SMG6: variants seen among roughly 807,000 people sequenced by gnomAD.
SMG6 encodes SMG6 nonsense mediated mRNA decay factor.
Under a neutral mutation model 142.2 loss-of-function variants are expected in SMG6, and 66 were observed. That is an observed-to-expected ratio of 0.46 (90% CI 0.38 to 0.57). SMG6 has a LOEUF of 0.57. Ranked by LOEUF, SMG6 falls within the 20% of genes least tolerant of loss-of-function variation. SMG6 has a pLI of 0.00. For missense variants in SMG6, 1,793 were observed against 1,832.0 expected, an observed-to-expected ratio of 0.98 and a Z score of 0.39; for synonymous variants, 779 against 702.4, an observed-to-expected ratio of 1.11 and a Z score of -1.72.
intron 13 of SMG6, among the ~76,000 whole-genome samples, chr17:2,090,737 C>G (rs532994419): frequency 1.3e-5 from 2 of 152,218 alleles, no homozygotes; most frequent in East Asian, 3.8e-4. Flanking sequence ...AACAATCACA[C>G]GGGTTTCCCC....
chr17:2,290,798 C>G (rs1044475335), intron 6 of SMG6, among the ~76,000 whole-genome samples: 2 of 152,026 alleles, frequency 1.3e-5, no homozygotes, highest in African/African-American at 2.4e-5. Context: ...AGTGGGGGGG[C>G]CAAAAGATCT....
chr17:2,091,763 C>T (rs557806113), intron 13 of SMG6, among the ~76,000 whole-genome samples: 2 of 151,818 alleles, frequency 1.3e-5, no homozygotes, highest in Admixed American at 6.6e-5. Flanking sequence ...CTCTGCCTCC[C>T]GCGTTCACGC....
chr17:2,278,938 T>C (rs1228417872), intron 8 of SMG6, among the ~76,000 whole-genome samples: 1 of 152,116 alleles, frequency 6.6e-6, no homozygotes, highest in Non-Finnish European at 1.5e-5. Context: ...CTCATTCGCG[T>C]ATCAACTAAG....
At position 2,297,878 on chromosome 17, in the gene SMG6, C is replaced by A; in HGVS notation, c.2025G>T (p.Leu675Phe). The A allele has an allele frequency of 6.2e-7, 1 of 1,611,040 alleles. No homozygotes were observed. The highest frequency in any genetic ancestry group is 8.5e-7 in the Non-Finnish European group (1 of 1,179,982). Residue 675 changes from leucine to phenylalanine, a missense_variant, in exon 3 of 19, where the codon TTG becomes TTT. Leu to Phe is a conservative substitution (Grantham distance 22). Transcript: ENST00000263073. Reference sequence around the variant, plus strand: ...GACAGTTTACCTCATCCAAGAGCTCCAAAAGTCTGTTCCGAATCTGTTCTG... The same window carrying A: ...GACAGTTTACCTCATCCAAGAGCTCAAAAAGTCTGTTCCGAATCTGTTCTG... ...ENPEQIRNRL[L>F]ELLDEGSDFF...
chr17:2,289,186 G>A (rs977674286), intron 6 of SMG6, among the ~76,000 whole-genome samples: 16 of 152,054 alleles, frequency 1.1e-4, no homozygotes, highest in African/African-American at 3.6e-4. Flanking sequence ...GGAGGTTGAG[G>A]CTGCAGTGAG....
chr17:2,104,548 G>GAA (rs772082851), intron 13 of SMG6, among the ~76,000 whole-genome samples: 1 of 144,054 alleles, frequency 6.9e-6, no homozygotes, highest in Non-Finnish European at 1.5e-5. Flanking sequence ...TAAGGGGGTT[G>GAA]AAAAAAAAAA....
chr17:2,243,057 G>A (rs1338861481), intron 9 of SMG6, among the ~76,000 whole-genome samples: 1 of 152,192 alleles, frequency 6.6e-6, no homozygotes, highest in Non-Finnish European at 1.5e-5. Context: ...TGGCAGGACG[G>A]GGGAGGTGGG....
chr17:2,171,216 GTGAGC>G (rs1449961842), intron 13 of SMG6, among the ~76,000 whole-genome samples: 1 of 152,062 alleles, frequency 6.6e-6, no homozygotes, highest in African/African-American at 2.4e-5. Flanking sequence ...AGAGGTTGCA[GTGAGC>G]TGAGATTGTG....
At chr17:2,303,048 G>T in intron 1 of SMG6, 1 of 985,404 alleles carries the variant, frequency 1.0e-6, no homozygotes, top group South Asian at 4.7e-5. Context: ...AAATTAACTT[G>T]CAAATTGAGC....
intron 10 of SMG6, among the ~76,000 whole-genome samples, chr17:2,212,987 T>G (rs917449923): frequency 2.6e-5 from 4 of 152,260 alleles, no homozygotes; most frequent in African/African-American, 4.8e-5. Flanking sequence ...TATCTGTTAT[T>G]TCTTGCTGAA....
intron 13 of SMG6, among the ~76,000 whole-genome samples, chr17:2,140,177 C>T (rs1420667643): frequency 2.0e-5 from 3 of 152,160 alleles, no homozygotes; most frequent in Non-Finnish European, 4.4e-5. Context: ...ATCCTCCCAC[C>T]TCAAACTCCC....
At position 2,148,908 on chromosome 17, in the gene SMG6, G is replaced by A. The variant is rs2070746077; in HGVS notation, c.3357+23750C>T. 2.6e-5 allele frequency among the ~76,000 whole-genome samples: 4 copies of A among 151,966 alleles called. No homozygotes were observed. In the South Asian group the frequency reaches 8.3e-4, roughly 32 times the overall value. ...AAGTAAATAGAATGATGGTTGTCAG[G>A]GGCTGTGGGGAGGGAGGAATGGAGA... On this transcript the variant is annotated intron_variant, in intron 13 of 18. Transcript: ENST00000263073.
At chr17:2,204,329 C>A (rs73296784) in intron 10 of SMG6, among the ~76,000 whole-genome samples, 4,773 of 152,222 alleles carry the variant, frequency 0.031, 251 homozygotes, top group African/African-American at 0.11. Context: ...AAAAATAAGA[C>A]CAATGATAAG....
At position 2,072,721 on chromosome 17, in the gene SMG6, G is replaced by A. The variant is rs2068138639; in HGVS notation, c.3682-3790C>T. The A allele has an allele frequency of 2.6e-5, 4 of 152,250 alleles. No individual in the cohort carries two copies. The South Asian group carries it at 8.3e-4, about 32-fold the overall frequency. The allele number at this position is 152,250 out of a possible 1,614,324, so 9.4% of individuals were successfully genotyped here. ...ATGAAGCAGAGCAAGACCAGGAGAGGGCCTTCTGAGGTCTTCCTTCTGCTT... is the reference window on the plus strand; with the variant it reads ...ATGAAGCAGAGCAAGACCAGGAGAGAGCCTTCTGAGGTCTTCCTTCTGCTT... On this transcript the variant is annotated intron_variant, in intron 15 of 18. Coordinates refer to ENST00000263073, the MANE Select transcript of SMG6 (RefSeq NM_017575.5).
Position 2,136,250 on chromosome 17 carries a change from G to A in SMG6, c.3357+36408C>T, listed in dbSNP as rs540750383. On this transcript the variant is annotated intron_variant, in intron 13 of 18. Coordinates refer to ENST00000263073, the MANE Select transcript of SMG6 (RefSeq NM_017575.5). ...TAATTTTTGTATTTTTAGCATAGAC[G>A]GGGTTTCACCATGTTGGCTAGGCTG... Among the ~76,000 whole-genome samples the A allele has an allele frequency of 1.3e-4, 19 of 150,960 alleles. No homozygotes were observed. In the South Asian group the frequency reaches 3.8e-3, roughly 30 times the overall value.
chr17:2,123,619 A>G (rs907631411), intron 13 of SMG6, among the ~76,000 whole-genome samples: 1 of 152,330 alleles, frequency 6.6e-6, no homozygotes, highest in South Asian at 2.1e-4. Context: ...ACAGTATGCC[A>G]AAAGGGAAGT....
intron 10 of SMG6, among the ~76,000 whole-genome samples, chr17:2,228,221 GC>G (rs1281393813): frequency 6.6e-6 from 1 of 151,590 alleles, no homozygotes; most frequent in Non-Finnish European, 1.5e-5. Context: ...ATGCCACTGC[GC>G]CCAGCTAACT....
At chr17:2,282,508 GAA>G in intron 8 of SMG6, 137 bp downstream of exon 8, 1 of 760,714 alleles carries the variant, frequency 1.3e-6, no homozygotes, top group South Asian at 1.6e-5. Context: ...CATGAGAAGG[GAA>G]AAGACCATCA....
At chr17:2,227,764 T>C (rs937682309) in intron 10 of SMG6, among the ~76,000 whole-genome samples, 4 of 152,242 alleles carry the variant, frequency 2.6e-5, no homozygotes, top group African/African-American at 4.8e-5. Context: ...TTTTAAAATA[T>C]AGGATGATGC....
Sources: allele counts gnomAD v4.1 joint callset (sites outside exome capture counted in the v4.1 genomes callset), GRCh38; gene constraint gnomAD v4.1.1; transcripts MANE v1.5; gene names NCBI Gene and HGNC (gene_info 2026-07-23, HGNC 2026-07-21).